The following GPATCH2 variants were observed in gnomAD, a reference collection of about 807,000 sequenced individuals.
The protein encoded by GPATCH2 is G-patch domain containing 2, also known as G patch domain-containing protein 2.
A neutral mutation model predicts 58.0 loss-of-function variants in GPATCH2; 51 were observed. The observed-to-expected ratio is 0.88, with a 90% CI of 0.70 to 1.11. GPATCH2 has a LOEUF of 1.11. Ranked by LOEUF, GPATCH2 falls within the 50% of genes most tolerant of loss-of-function variation. The pLI, the probability that GPATCH2 is intolerant of heterozygous loss-of-function variation, is 0.00. For synonymous variants in GPATCH2, 222 were observed against 218.5 expected (o/e 1.02, Z -0.14); for missense variants, 625 against 652.2 (o/e 0.96, Z 0.45).
intron 6 of GPATCH2, among the ~76,000 whole-genome samples, chr1:217,506,182 T>C (rs913259783): frequency 1.3e-5 from 2 of 152,206 alleles, no homozygotes; most frequent in Admixed American, 6.5e-5. Context: ...ACAGTGAAGA[T>C]ACAGAACATT....
intron 6 of GPATCH2, among the ~76,000 whole-genome samples, chr1:217,511,771 G>C (rs551440570): frequency 2.9e-4 from 44 of 152,180 alleles, no homozygotes; most frequent in African/African-American, 1.0e-3. Flanking sequence ...CAGATAGGCA[G>C]GTCAGTCCCT....
At chr1:217,609,610 T>C in intron 5 of GPATCH2, 1 of 982,912 alleles carries the variant, frequency 1.0e-6, no homozygotes, top group Non-Finnish European at 1.2e-6. Context: ...GCAAAGATTA[T>C]CAACCTTACC....
chr1:217,477,169 T>G (rs545200071), intron 8 of GPATCH2, among the ~76,000 whole-genome samples: 2 of 151,628 alleles, frequency 1.3e-5, no homozygotes, highest in East Asian at 2.0e-4. Context: ...AAGGACTTGG[T>G]TCTGACAGGA....
chr1:217,586,960 A>G (rs1443892444), intron 5 of GPATCH2, among the ~76,000 whole-genome samples: 2 of 152,220 alleles, frequency 1.3e-5, no homozygotes, highest in Non-Finnish European at 2.9e-5. Flanking sequence ...GATATGATTA[A>G]CATAAAATTC....
chr1:217,498,801 C>A, intron 6 of GPATCH2: 1 of 277,740 alleles, frequency 3.6e-6, no homozygotes, highest in Non-Finnish European at 6.9e-6. Context: ...AAAAATACAA[C>A]AATATTACAT....
intron 5 of GPATCH2, among the ~76,000 whole-genome samples, chr1:217,536,903 C>T (rs1253361036): frequency 4.6e-5 from 7 of 152,102 alleles, no homozygotes; most frequent in South Asian, 2.1e-4. Context: ...CTTGAACCGG[C>T]GGAGGGTGCA....
intron 5 of GPATCH2, among the ~76,000 whole-genome samples, chr1:217,591,879 A>G (rs1298027942): frequency 6.6e-6 from 1 of 152,072 alleles, no homozygotes; most frequent in East Asian, 1.9e-4. Context: ...CAGGAAGTAC[A>G]CATAAGTCAG....
chr1:217,506,139 A>C (rs1245997824), intron 6 of GPATCH2, among the ~76,000 whole-genome samples: 1 of 152,246 alleles, frequency 6.6e-6, no homozygotes, highest in Non-Finnish European at 1.5e-5. Context: ...TCAAGTGCTA[A>C]AGGCATATAC....
chr1:217,432,871 C>T (rs1445505135), intron 9 of GPATCH2, among the ~76,000 whole-genome samples: 1 of 152,160 alleles, frequency 6.6e-6, no homozygotes, highest in African/African-American at 2.4e-5. Context: ...TGACACCATT[C>T]CCTCCATAGG....
chr1:217,560,832 G>A (rs1473007851), intron 5 of GPATCH2, among the ~76,000 whole-genome samples: 4 of 152,028 alleles, frequency 2.6e-5, no homozygotes, highest in South Asian at 4.2e-4. Context: ...CTCCCATGGC[G>A]GTTATATTTT....
chr1:217,484,244 C>A (rs890506044), intron 8 of GPATCH2, among the ~76,000 whole-genome samples: 6 of 152,010 alleles, frequency 3.9e-5, no homozygotes, highest in Non-Finnish European at 8.8e-5. Context: ...TTTTTTAGAA[C>A]ACAAAAAGGA....
intron 5 of GPATCH2, among the ~76,000 whole-genome samples, chr1:217,580,834 C>A (rs1477216362): frequency 2.2e-5 from 1 of 45,366 alleles, no homozygotes; most frequent in African/African-American, 6.7e-5. Flanking sequence ...AGGTGAAACC[C>A]CGTCTCTACT....
chr1:217,474,602 A>G (rs897116786), intron 8 of GPATCH2, among the ~76,000 whole-genome samples: 26 of 152,324 alleles, frequency 1.7e-4, no homozygotes, highest in South Asian at 1.0e-3. Flanking sequence ...CAAAGACTAA[A>G]GCCATAACTG....
rs996307302 is a variant in GPATCH2, at chr1:217,427,019, C to T, written c.*4126G>A. On this transcript the variant is annotated 3_prime_UTR_variant, in exon 10 of 10. Transcript: ENST00000366935. ...TTTTGGGAGAAAAGATAAGTTTAAT[C>T]AACATAGTGAAATGCCTCTTACAGC... 2.0e-5 allele frequency: 3 copies of T among 151,538 alleles called. No individual in the cohort carries two copies. The highest frequency in any genetic ancestry group is 7.3e-5 in the African/African-American group (3 of 41,330). 9.4% of individuals were successfully genotyped at this position (151,538 alleles called of 1,614,324 possible).
At chr1:217,487,430 T>G (rs1393099680) in intron 8 of GPATCH2, among the ~76,000 whole-genome samples, 1 of 151,324 alleles carries the variant, frequency 6.6e-6, no homozygotes, top group Admixed American at 6.6e-5. Flanking sequence ...TACTTCTTTT[T>G]TTTTTTTTTT....
intron 5 of GPATCH2, among the ~76,000 whole-genome samples, chr1:217,606,648 G>C (rs528389252): frequency 6.6e-6 from 1 of 152,100 alleles, no homozygotes; most frequent in Non-Finnish European, 1.5e-5. Context: ...GGCTGGGGTG[G>C]GAGCATTGCT....
intron 5 of GPATCH2, among the ~76,000 whole-genome samples, chr1:217,530,222 A>C (rs1027385516): frequency 2.0e-5 from 3 of 152,208 alleles, no homozygotes; most frequent in African/African-American, 4.8e-5. Flanking sequence ...AGTTCTTAAT[A>C]ATGGAAGAGC....
chr1:217,481,565 C>T (rs1376154108), intron 8 of GPATCH2, among the ~76,000 whole-genome samples: 2 of 152,074 alleles, frequency 1.3e-5, no homozygotes, highest in Non-Finnish European at 2.9e-5. Context: ...TTCAACTTAA[C>T]AAGTGCCTAA....
At chr1:217,610,295 C>T in intron 5 of GPATCH2, 26 bp downstream of exon 5, 3 of 1,504,732 alleles carry the variant, frequency 2.0e-6, no homozygotes, top group African/African-American at 1.4e-5. Flanking sequence ...CCAAACATGA[C>T]AATTACACAG....
Sources: allele counts gnomAD v4.1 joint callset (sites outside exome capture counted in the v4.1 genomes callset), GRCh38; gene constraint gnomAD v4.1.1; transcripts MANE v1.5; gene names NCBI Gene and HGNC (gene_info 2026-07-23, HGNC 2026-07-21).